The following MAN1A2 variants were observed in gnomAD, a reference collection of about 807,000 sequenced individuals.
MAN1A2 encodes the protein mannosidase alpha class 1A member 2.
In MAN1A2, 26 loss-of-function variants were observed where a neutral mutation model predicts 75.7. The ratio of observed to expected loss-of-function variants is 0.34; its 90% CI spans 0.25 to 0.48. The LOEUF (loss-of-function observed/expected upper bound fraction) is 0.48. Among genes scored for constraint, MAN1A2 ranks in the 20% least tolerant of loss-of-function variants. The probability of loss-of-function intolerance (pLI) is 0.99; values close to 1 mark genes in which losing one functional copy is unlikely to be tolerated. For missense variants in MAN1A2, 562 were observed against 775.5 expected, an observed-to-expected ratio of 0.72 and a Z score of 3.27; for synonymous variants, 247 against 264.6, an observed-to-expected ratio of 0.93 and a Z score of 0.65.
chr1:117,521,213 A>G (rs1651862272), intron 12 of MAN1A2, among the ~76,000 whole-genome samples: 1 of 152,100 alleles, frequency 6.6e-6, no homozygotes, highest in South Asian at 2.1e-4. Flanking sequence ...ATTCTAGAAG[A>G]TAACATTGGA....
intron 1 of MAN1A2, among the ~76,000 whole-genome samples, chr1:117,389,544 A>G (rs1653651690): frequency 6.6e-6 from 1 of 152,168 alleles, no homozygotes; most frequent in East Asian, 1.9e-4. Context: ...CTGGACTGGT[A>G]CTGATCTGTG....
chr1:117,477,185 C>G (rs1043534483), intron 8 of MAN1A2, among the ~76,000 whole-genome samples: 1 of 151,880 alleles, frequency 6.6e-6, no homozygotes, highest in Non-Finnish European at 1.5e-5. Context: ...AGATGCACAG[C>G]CAAATTCTAC....
intron 12 of MAN1A2, among the ~76,000 whole-genome samples, chr1:117,512,669 G>A (rs184171375): frequency 1.3e-5 from 2 of 151,542 alleles, no homozygotes; most frequent in African/African-American, 4.8e-5. Flanking sequence ...AGGTATACTG[G>A]AAGACCAGAA....
At chr1:117,429,578 G>C (rs1445425939) in intron 5 of MAN1A2, among the ~76,000 whole-genome samples, 5 of 111,646 alleles carry the variant, frequency 4.5e-5, no homozygotes, top group African/African-American at 1.7e-4. Flanking sequence ...GCCGGGCGGG[G>C]GGCTGACCCC....
chr1:117,469,678 G>C (rs1158763543), intron 8 of MAN1A2, among the ~76,000 whole-genome samples: 1 of 152,096 alleles, frequency 6.6e-6, no homozygotes, highest in East Asian at 1.9e-4. Flanking sequence ...AATGGGTGAG[G>C]ACTTGAATAG....
intron 12 of MAN1A2, among the ~76,000 whole-genome samples, chr1:117,513,658 C>G (rs949056191): frequency 6.6e-6 from 1 of 151,686 alleles, no homozygotes; most frequent in Non-Finnish European, 1.5e-5. Flanking sequence ...AAATAATTTG[C>G]TATTTATTAA....
intron 3 of MAN1A2, among the ~76,000 whole-genome samples, chr1:117,410,768 A>G (rs1181762104): frequency 6.6e-6 from 1 of 151,848 alleles, no homozygotes; most frequent in African/African-American, 2.4e-5. Context: ...GTTATAGGAT[A>G]CAAGTTTAAT....
intron 1 of MAN1A2, among the ~76,000 whole-genome samples, chr1:117,395,060 T>G (rs951268923): frequency 6.6e-6 from 1 of 152,196 alleles, no homozygotes; most frequent in African/African-American, 2.4e-5. Flanking sequence ...CCACAGCGGC[T>G]TAAGCAAGAT....
chr1:117,523,063 A>G lies in MAN1A2; in HGVS notation c.*106A>G, dbSNP rs1406041360. ...TGAAAACCTGGACCTCTATGTCAAC[A>G]TGACAGGGTGAAACTATTCCCCCTA... On this transcript the variant is annotated 3_prime_UTR_variant, in exon 13 of 13. Coordinates refer to ENST00000356554, the MANE Select transcript of MAN1A2 (RefSeq NM_006699.5). 6 of 1,208,152 alleles carry G rather than the reference A, an allele frequency of 5.0e-6. No homozygotes were observed. The highest frequency in any genetic ancestry group is 2.3e-5 in the East Asian group (1 of 42,840). 74.8% of individuals were successfully genotyped at this position (1,208,152 alleles called of 1,614,324 possible).
chr1:117,423,022 C>T (rs1648247881), intron 5 of MAN1A2, among the ~76,000 whole-genome samples: 1 of 152,100 alleles, frequency 6.6e-6, no homozygotes, highest in Non-Finnish European at 1.5e-5. Flanking sequence ...AGTTTTCTTC[C>T]AAAACTATTA....
At chr1:117,458,522 T>TATATATA (rs1196587087) in intron 6 of MAN1A2, among the ~76,000 whole-genome samples, 1 of 90,152 alleles carries the variant, frequency 1.1e-5, no homozygotes, top group Non-Finnish European at 2.2e-5. Context: ...GATATATATA[T>TATATATA]ATTTTTTTTT....
At chr1:117,375,452 A>C (rs1028514551) in intron 1 of MAN1A2, among the ~76,000 whole-genome samples, 1 of 152,176 alleles carries the variant, frequency 6.6e-6, no homozygotes, top group Non-Finnish European at 1.5e-5. Flanking sequence ...AAATTAAGTA[A>C]TCTGGAGATT....
intron 1 of MAN1A2, among the ~76,000 whole-genome samples, chr1:117,376,957 A>G (rs1653168146): frequency 6.6e-6 from 1 of 152,234 alleles, no homozygotes; most frequent in African/African-American, 2.4e-5. Flanking sequence ...TGCAAATACT[A>G]CAGTATTTTA....
At chr1:117,460,432 G>A (rs532931759) in intron 6 of MAN1A2, 57 bp from the exon 7 acceptor site, 14 of 1,254,018 alleles carry the variant, frequency 1.1e-5, no homozygotes, top group African/African-American at 7.5e-5. Context: ...TTCATTAAAC[G>A]AATGTTTTGG....
chr1:117,445,865 T>A (rs1649210263), intron 6 of MAN1A2, among the ~76,000 whole-genome samples: 1 of 122,778 alleles, frequency 8.1e-6, no homozygotes, highest in Admixed American at 8.0e-5. Context: ...TGTGTATGTG[T>A]GTGTGTGTCT....
chr1:117,386,605 A>T (rs1222359187), intron 1 of MAN1A2, among the ~76,000 whole-genome samples: 1 of 151,834 alleles, frequency 6.6e-6, no homozygotes, highest in Non-Finnish European at 1.5e-5. Context: ...CCTCTGGCTG[A>T]GGATTATTTC....
intron 12 of MAN1A2, among the ~76,000 whole-genome samples, chr1:117,507,189 A>G (rs993433935): frequency 2.0e-5 from 3 of 151,518 alleles, no homozygotes; most frequent in Non-Finnish European, 4.4e-5. Flanking sequence ...CAGACCCACA[A>G]CAAGGCACAG....
chr1:117,425,600 C>T (rs1357994143), intron 5 of MAN1A2, among the ~76,000 whole-genome samples: 2 of 152,132 alleles, frequency 1.3e-5, no homozygotes, highest in African/African-American at 2.4e-5. Context: ...AGAAAAACAT[C>T]ATATAATCTT....
intron 12 of MAN1A2, among the ~76,000 whole-genome samples, chr1:117,506,123 G>A (rs193149238): frequency 3.5e-5 from 5 of 142,438 alleles, no homozygotes; most frequent in Non-Finnish European, 6.3e-5. Flanking sequence ...ATAGAGGAAT[G>A]AAGATAAGTA....
Sources: gnomAD v4.1 joint callset for allele counts (sites outside exome capture counted in the v4.1 genomes callset) on GRCh38, gnomAD v4.1.1 for gene constraint, MANE v1.5 for transcripts, NCBI Gene and HGNC (gene_info 2026-07-23, HGNC 2026-07-21) for gene names.